The following AMOTL1 variants were observed in gnomAD, a reference collection of about 807,000 sequenced individuals.
AMOTL1 encodes the protein angiomotin-like protein 1.
Under a neutral mutation model 102.9 loss-of-function variants are expected in AMOTL1, and 45 were observed. The ratio of observed to expected loss-of-function variants is 0.44; its 90% CI spans 0.34 to 0.56. AMOTL1 has a LOEUF of 0.56. AMOTL1 is among the 20% of genes least tolerant of loss of function. The probability of loss-of-function intolerance (pLI) is 0.01; values close to 1 mark genes in which losing one functional copy is unlikely to be tolerated. For missense variants in AMOTL1, 1,114 were observed against 1,225.6 expected (o/e 0.91, Z 1.36); for synonymous variants, 481 against 484.7 (o/e 0.99, Z 0.10).
intron 1 of AMOTL1, among the ~76,000 whole-genome samples, chr11:94,787,463 G>A (rs951784001): frequency 5.9e-5 from 9 of 152,036 alleles, no homozygotes; most frequent in Admixed American, 5.9e-4. Flanking sequence ...GCCGAGACGG[G>A]CGGATCACGA....
At chr11:94,796,544 T>C (rs1355912958) in intron 2 of AMOTL1, among the ~76,000 whole-genome samples, 3 of 152,126 alleles carry the variant, frequency 2.0e-5, no homozygotes, top group Admixed American at 1.3e-4. Context: ...TGAGAGGCCA[T>C]TCAGCATGTC....
Position 94,794,941 on chromosome 11 carries a change from C to CT in AMOTL1, c.50-68dup, listed in dbSNP as rs1415542783. ...ACTGTGGGAGAATGCCTGGTGGGTT[C>CT]TTGTGAGTCACACAGGAAGGAAGGA... On this transcript the variant is annotated intron_variant, in intron 1 of 12. Coordinates refer to ENST00000433060, the MANE Select transcript of AMOTL1 (RefSeq NM_130847.3). 19 of 1,495,346 alleles carry CT rather than the reference C, an allele frequency of 1.3e-5. No homozygotes were observed. In the South Asian group the frequency reaches 2.5e-4, roughly 20 times the overall value. The allele number at this position is 1,495,346 out of a possible 1,614,324, so 92.6% of individuals were successfully genotyped here. A position where few individuals can be genotyped will look rare whatever the true frequency, so the allele number is the denominator to read the frequency against.
chr11:94,821,619 C>A lies in AMOTL1; in HGVS notation c.1211C>A (p.Ser404Tyr), dbSNP rs1285887756. 6.2e-7 allele frequency: 1 copy of A among 1,613,858 alleles called. No individual in the cohort carries two copies. The highest frequency in any genetic ancestry group is 1.1e-5 in the South Asian group (1 of 91,038). The change falls in exon 4 of 13, where the codon TCT becomes TAT. Residue 404 changes from serine to tyrosine, a missense_variant. Transcript: ENST00000433060. ...QTSSASGPLH[S>Y]VSLPLPLPMA... ...TCTTCCGCCAGCGGGCCACTGCACT[C>A]TGTCTCCCTGCCGCTTCCACTCCCG...
chr11:94,831,003 T>G (rs1028817056), intron 5 of AMOTL1, among the ~76,000 whole-genome samples: 5 of 152,360 alleles, frequency 3.3e-5, no homozygotes, highest in East Asian at 1.9e-4. Flanking sequence ...CTTCATACAT[T>G]AGGTCATTTT....
chr11:94,824,988 G>A (rs997517172), intron 4 of AMOTL1, among the ~76,000 whole-genome samples: 3 of 152,228 alleles, frequency 2.0e-5, no homozygotes, highest in East Asian at 1.9e-4. Context: ...TGAAGATCCT[G>A]TTTCCAAAGA....
chr11:94,751,700 T>TA (rs34946180), intron 3 of AMOTL1, among the ~76,000 whole-genome samples: 135 of 135,412 alleles, frequency 1.0e-3, no homozygotes, highest in South Asian at 3.5e-3. Context: ...CTGCTTTGGC[T>TA]AAAAAAAAAA....
intron 3 of AMOTL1, among the ~76,000 whole-genome samples, chr11:94,742,305 C>G (rs980822660): frequency 2.0e-5 from 3 of 152,228 alleles, no homozygotes; most frequent in South Asian, 4.1e-4. Flanking sequence ...ATGATCTGCT[C>G]CACGCATGTA....
At position 94,795,066 on chromosome 11, in the gene AMOTL1, C is replaced by A; in HGVS notation, c.105C>A (p.Ser35=). The change falls in exon 2 of 13, where the codon TCC becomes TCA. Residue 35 remains serine (S), a synonymous_variant. Coordinates refer to ENST00000433060, the MANE Select transcript of AMOTL1 (RefSeq NM_130847.3). ...GTCCTGTCCAGGTTCTAGAAGACTC[C>A]ACCTACTTTTCCCCAGACTTTCAGC... The part of the protein sequence containing the change: ...PSSPVQVLED[S]TYFSPDFQLY... 3 of 1,613,810 alleles carry A rather than the reference C, an allele frequency of 1.9e-6. No homozygotes were observed. The highest frequency in any genetic ancestry group is 1.6e-4 in the Middle Eastern group (1 of 6,062).
Position 94,800,092 on chromosome 11 carries a change from G to A in AMOTL1, c.902G>A (p.Gly301Asp), listed in dbSNP as rs746720481. Residue 301 changes from glycine (G) to aspartate (D), a missense_variant, in exon 3 of 13, where the codon GGT becomes GAT. Physicochemically the swap from Gly to Asp is moderately conservative, Grantham distance 94. Transcript: ENST00000433060. Reference sequence around the variant, plus strand: ...GGGCCCTCCCCTGCCCAGCCTGCAGGTAAAGTGCTGGACCCTCGGGGTCCT... The same window carrying A: ...GGGCCCTCCCCTGCCCAGCCTGCAGATAAAGTGCTGGACCCTCGGGGTCCT... ...GGGPSPAQPA[G>D]KVLDPRGPPP... 3.1e-6 allele frequency: 5 copies of A among 1,613,938 alleles called. No homozygotes were observed. Among genetic ancestry groups the A allele is most frequent in the African/African-American group, 2.7e-5 (2 of 75,050 alleles).
At chr11:94,865,640 A>G (rs920242185) in intron 10 of AMOTL1, among the ~76,000 whole-genome samples, 2 of 152,170 alleles carry the variant, frequency 1.3e-5, no homozygotes, top group African/African-American at 4.8e-5. Flanking sequence ...CCCACCGCCA[A>G]TGCTAGACCC....
chr11:94,861,652 A>G (rs1365528568), intron 9 of AMOTL1, among the ~76,000 whole-genome samples: 1 of 152,178 alleles, frequency 6.6e-6, no homozygotes. Context: ...ATAAATGATG[A>G]GAGCAGGGAA....
chr11:94,870,093 C>A (rs1244765072), intron 12 of AMOTL1, among the ~76,000 whole-genome samples: 3 of 152,150 alleles, frequency 2.0e-5, no homozygotes, highest in African/African-American at 7.2e-5. Context: ...GTACCATGGC[C>A]ATGGTCAGTG....
chr11:94,789,049 A>G (rs560007778), intron 1 of AMOTL1, among the ~76,000 whole-genome samples: 1 of 152,338 alleles, frequency 6.6e-6, no homozygotes, highest in Admixed American at 6.5e-5. Flanking sequence ...CCCAACTCCA[A>G]ACCTCGGGTT....
Position 94,821,533 on chromosome 11 carries a change from C to T in AMOTL1, c.1125C>T (p.Arg375=), listed in dbSNP as rs763617794. The change falls in exon 4 of 13, where the codon CGC becomes CGT. Residue 375 remains arginine, a synonymous_variant. Transcript: ENST00000433060. The part of the protein sequence containing the change: ...QPPPEYGVTS[R]PCQLPFPSTM... ...GCTGCCTTCCATTGCCTTGCAGCCG[C>T]CCATGCCAACTTCCGTTCCCATCAA... 1.2e-6 allele frequency: 2 copies of T among 1,612,562 alleles called. No homozygotes were observed. Among genetic ancestry groups the T allele is most frequent in the South Asian group, 2.2e-5 (2 of 90,918 alleles).
Position 94,745,796 on chromosome 11 carries a change from G to T in AMOTL1, c.136+4808G>T, listed in dbSNP as rs567481130. ...CATTTAAAACATACTTATTTCCCAAGATTGAAGGATAAAATAGCTTTTACC... is the reference window on the plus strand; with the variant it reads ...CATTTAAAACATACTTATTTCCCAATATTGAAGGATAAAATAGCTTTTACC... On this transcript the variant is annotated intron_variant, in intron 3 of 4. Coordinates refer to the AMOTL1 transcript ENST00000299004. Among the ~76,000 whole-genome samples, 10 of 152,274 alleles carry T rather than the reference G, an allele frequency of 6.6e-5. No homozygotes were observed. The South Asian group carries it at 2.1e-3, about 32-fold the overall frequency.
At chr11:94,845,211 AG>A (rs2135698912) in intron 6 of AMOTL1, among the ~76,000 whole-genome samples, 2 of 152,352 alleles carry the variant, frequency 1.3e-5, no homozygotes, top group Non-Finnish European at 2.9e-5. Flanking sequence ...CAGTTTCAGC[AG>A]GGTGTCCACT....
intron 3 of AMOTL1, among the ~76,000 whole-genome samples, chr11:94,814,592 G>A: frequency 6.6e-6 from 1 of 152,090 alleles, no homozygotes; most frequent in East Asian, 1.9e-4. Flanking sequence ...CCTATCCTCG[G>A]CTTGCAAAGA....
chr11:94,764,554 GGT>G (rs1489867188), upstream of AMOTL1, among the ~76,000 whole-genome samples: 2 of 152,180 alleles, frequency 1.3e-5, no homozygotes, highest in African/African-American at 4.8e-5. Context: ...TTGTAGCGAT[GGT>G]CCCAGGTGAG....
chr11:94,860,088 T>A (rs1952745881), intron 9 of AMOTL1, among the ~76,000 whole-genome samples: 1 of 152,170 alleles, frequency 6.6e-6, no homozygotes, highest in African/African-American at 2.4e-5. Flanking sequence ...CATAACACAG[T>A]GGAATACTGT....
Sources: gnomAD v4.1 joint callset for allele counts (sites outside exome capture counted in the v4.1 genomes callset) on GRCh38, gnomAD v4.1.1 for gene constraint, MANE v1.5 for transcripts, NCBI Gene and HGNC (gene_info 2026-07-23, HGNC 2026-07-21) for gene names.